Variants in NR4A3 observed in about 807,000 individuals in gnomAD.
NR4A3 encodes the protein nuclear receptor subfamily 4 group A member 3.
Under a neutral mutation model 55.6 loss-of-function variants are expected in NR4A3, and 13 were observed. The ratio of observed to expected loss-of-function variants is 0.23; its 90% CI spans 0.15 to 0.37. The LOEUF is 0.37. Among genes scored for constraint, NR4A3 ranks in the 10% least tolerant of loss-of-function variants. The pLI is 1.00. For missense variants in NR4A3, 646 were observed against 822.8 expected (o/e 0.79, Z 2.63); for synonymous variants, 342 against 357.9 (o/e 0.96, Z 0.50).
Position 99,832,779 on chromosome 9 carries a change from C to A in NR4A3, c.1042C>A (p.Arg348=). 6.2e-7 allele frequency: 1 copy of A among 1,603,070 alleles called. No individual in the cohort carries two copies. The highest frequency in any genetic ancestry group is 1.1e-5 in the South Asian group (1 of 89,814). ...ACGTCGAAACCGATGTCAGTACTGT[C>A]GATTTCAGAAGTGTCTCAGTGTTGG... is the stretch of plus-strand genomic sequence containing the variant. ...KRRRNRCQYC[R]FQKCLSVGMV... is the part of the protein sequence containing the mutation. The change falls in exon 4 of 8, where the codon CGA becomes AGA. Residue 348 remains arginine (R), a synonymous_variant. Coordinates refer to ENST00000395097, the MANE Select transcript of NR4A3 (RefSeq NM_006981.4).
chr9:99,835,151 G>GTAT (rs1202651406), intron 5 of NR4A3: 2 of 155,960 alleles, frequency 1.3e-5, no homozygotes, highest in Non-Finnish European at 2.8e-5. Context: ...ACAGTGCCCT[G>GTAT]TATGTTATTT....
chr9:99,861,059 A>G (rs1304888490), intron 7 of NR4A3, among the ~76,000 whole-genome samples: 1 of 152,268 alleles, frequency 6.6e-6, no homozygotes. Context: ...TAGAGAAATT[A>G]GGTCACCCAG....
At chr9:99,852,955 C>T (rs1827876279) in intron 7 of NR4A3, among the ~76,000 whole-genome samples, 1 of 152,178 alleles carries the variant, frequency 6.6e-6, no homozygotes. Flanking sequence ...AAATATCAAA[C>T]TTAGCGGGGC....
At chr9:99,842,749 C>A (rs1318356592) in intron 5 of NR4A3, among the ~76,000 whole-genome samples, 1 of 151,994 alleles carries the variant, frequency 6.6e-6, no homozygotes, top group African/African-American at 2.4e-5. Context: ...AAAGATCCCA[C>A]CAGCTAGTAA....
chr9:99,846,134 CAA>C (rs1014821184), intron 6 of NR4A3, among the ~76,000 whole-genome samples: 3 of 152,136 alleles, frequency 2.0e-5, no homozygotes, highest in African/African-American at 7.2e-5. Flanking sequence ...CCAAGAAGCA[CAA>C]AGAGATATTT....
At chr9:99,838,110 T>A (rs1827591744) in intron 5 of NR4A3, among the ~76,000 whole-genome samples, 1 of 152,174 alleles carries the variant, frequency 6.6e-6, no homozygotes, top group African/African-American at 2.4e-5. Context: ...CTCCTCAAAA[T>A]GTTTCTGTTC....
At chr9:99,858,292 TATAG>T (rs1827960624) in intron 7 of NR4A3, among the ~76,000 whole-genome samples, 1 of 152,200 alleles carries the variant, frequency 6.6e-6, no homozygotes, top group Non-Finnish European at 1.5e-5. Context: ...CAGACCTAAA[TATAG>T]CTCTATTATT....
chr9:99,829,100 C>G (rs766137113), intron 3 of NR4A3, 107 bp downstream of exon 3: 485 of 1,187,264 alleles, frequency 4.1e-4, no homozygotes, highest in Non-Finnish European at 4.9e-4. Context: ...GAGCTGTAAT[C>G]GGCACATCAT....
intron 7 of NR4A3, among the ~76,000 whole-genome samples, chr9:99,850,407 A>T: frequency 6.6e-6 from 1 of 152,380 alleles, no homozygotes; most frequent in East Asian, 1.9e-4. Context: ...CTAAGAGGCC[A>T]GGACGTGTGG....
chr9:99,861,457 G>A (rs1401061065), intron 7 of NR4A3, among the ~76,000 whole-genome samples: 1 of 151,846 alleles, frequency 6.6e-6, no homozygotes, highest in Non-Finnish European at 1.5e-5. Context: ...GAATGTTGCA[G>A]TGAGCTGAGA....
chr9:99,847,626 C>T lies in NR4A3; in HGVS notation c.1633+11C>T, dbSNP rs189862432. The T allele has an allele frequency of 1.6e-5, 26 of 1,612,110 alleles. No individual in the cohort carries two copies. In the African/African-American group the frequency reaches 2.9e-4, roughly 18 times the overall value. On this transcript the variant is annotated intron_variant, in intron 7 of 7. Transcript: ENST00000395097. ...TGAGCATGATCACAGGTAAGCACCACCTTGCCAAAACCGCATCCTCATTTC... is the reference window on the plus strand; with the variant it reads ...TGAGCATGATCACAGGTAAGCACCATCTTGCCAAAACCGCATCCTCATTTC...
rs746224006 is a variant in NR4A3 at position 99,863,589 on chromosome 9, A to G, written c.1634-31A>G. 5.0e-6 allele frequency: 8 copies of G among 1,598,720 alleles called. No homozygotes were observed. The South Asian group carries it at 7.9e-5, about 16-fold the overall frequency. ...GTGTCTTAAGATGTATTTGCCTCCT[A>G]AACTTCTTGCCCTTCTCTATCCCTC... On this transcript the variant is annotated intron_variant, in intron 7 of 7. Coordinates refer to ENST00000395097, the MANE Select transcript of NR4A3 (RefSeq NM_006981.4).
chr9:99,863,692 A>T lies in NR4A3; in HGVS notation c.1706A>T (p.His569Leu). The T allele has an allele frequency of 6.2e-7, 1 of 1,614,030 alleles. No individual in the cohort carries two copies. The highest frequency in any genetic ancestry group is 8.5e-7 in the Non-Finnish European group (1 of 1,179,964). The change falls in exon 8 of 8, where the codon CAC (histidine) becomes CTC (leucine). Residue 569 changes from histidine (H) to leucine (L), a missense_variant. Around this residue, in one of 5 missense-constraint regions of NR4A3, gnomAD observed 163 missense variants for 233.0 expected, o/e 0.70. Coordinates refer to ENST00000395097, the MANE Select transcript of NR4A3 (RefSeq NM_006981.4). The part of the protein sequence containing the change: ...CNKITSSLKD[H>L]QSKGQALEPT... ...AAGATCACAAGCAGTTTAAAAGACC[A>T]CCAGAGTAAGGGACAGGCTCTGGAG...
rs200206939 is a variant in NR4A3, at chr9:99,851,604, G to T, written c.1633+3989G>T. 4.6e-5 allele frequency among the ~76,000 whole-genome samples: 7 copies of T among 152,072 alleles called. No individual in the cohort carries two copies. In the East Asian group the frequency reaches 1.4e-3, roughly 29 times the overall value. ...TCTGTACCCCCTCATGAAAAACTAG[G>T]CGGTGAAGTGGGGCAGGAAATGGTT... On this transcript the variant is annotated intron_variant, in intron 7 of 7. Transcript: ENST00000395097.
intron 3 of NR4A3, among the ~76,000 whole-genome samples, chr9:99,830,601 GA>G (rs776925099): frequency 3.3e-5 from 5 of 152,196 alleles, no homozygotes; most frequent in Non-Finnish European, 7.3e-5. Context: ...TTGGGATTAT[GA>G]TGTTTTAAAT....
intron 7 of NR4A3, among the ~76,000 whole-genome samples, chr9:99,850,271 A>G (rs916681874): frequency 6.6e-6 from 1 of 152,204 alleles, no homozygotes; most frequent in Non-Finnish European, 1.5e-5. Flanking sequence ...TTGGGCATAG[A>G]TTAGAGTGAG....
At position 99,866,758 on chromosome 9, in the gene NR4A3, G is replaced by C. The variant is rs1828106452; in HGVS notation, c.*2891G>C. The C allele has an allele frequency of 2.3e-5, 5 of 218,196 alleles. No homozygotes were observed. In the South Asian group the frequency reaches 9.3e-4, roughly 41 times the overall value. The allele number at this position is 218,196 out of a possible 1,614,324, so 13.5% of individuals were successfully genotyped here. A position where few individuals can be genotyped will look rare whatever the true frequency, so the allele number is the denominator to read the frequency against. ...GAGTGCCTTGCTTTTATTTCAGACA[G>C]CAGAGTTTTCCAAAGTTTCTCTGCT... On this transcript the variant is annotated 3_prime_UTR_variant, in exon 8 of 8. Transcript: ENST00000395097.
intron 3 of NR4A3, among the ~76,000 whole-genome samples, chr9:99,831,631 A>T (rs926697878): frequency 6.6e-6 from 1 of 152,188 alleles, no homozygotes; most frequent in South Asian, 2.1e-4. Context: ...TTTTTTTATT[A>T]ATGCAGCCCA....
intron 7 of NR4A3, among the ~76,000 whole-genome samples, chr9:99,859,008 C>T (rs982460175): frequency 2.6e-5 from 4 of 152,180 alleles, no homozygotes; most frequent in African/African-American, 9.7e-5. Context: ...CCTTTCCAAT[C>T]TATATATACA....
Sources: gnomAD v4.1 joint callset for allele counts (sites outside exome capture counted in the v4.1 genomes callset) on GRCh38, gnomAD v4.1.1 for gene constraint, gnomAD v4.1.1 regional missense constraint, MANE v1.5 for transcripts, NCBI Gene and HGNC (gene_info 2026-07-23, HGNC 2026-07-21) for gene names.